AGBL4: variants seen among roughly 807,000 people sequenced by gnomAD.
AGBL4 encodes the protein cytosolic carboxypeptidase 6.
AGBL4 carries 58 observed loss-of-function variants against 66.4 expected under a neutral mutation model. That is an observed-to-expected ratio of 0.87 (90% CI 0.71 to 1.09). The LOEUF (loss-of-function observed/expected upper bound fraction) is 1.09. Among genes scored for constraint, AGBL4 ranks in the 50% least tolerant of loss-of-function variants. The probability of loss-of-function intolerance (pLI) is 0.00; values close to 1 mark genes in which losing one functional copy is unlikely to be tolerated. For synonymous variants in AGBL4, 234 were observed against 222.9 expected (o/e 1.05, Z -0.44); for missense variants, 579 against 631.0 (o/e 0.92, Z 0.88).
At chr1:48,967,018 T>C (rs1658487466) in intron 5 of AGBL4, among the ~76,000 whole-genome samples, 1 of 148,382 alleles carries the variant, frequency 6.7e-6, no homozygotes, top group Admixed American at 6.8e-5. Context: ...TAGTGTTCGG[T>C]TTACATTTTT....
intron 6 of AGBL4, among the ~76,000 whole-genome samples, chr1:48,791,310 C>A (rs1008689969): frequency 6.6e-6 from 1 of 152,134 alleles, no homozygotes; most frequent in African/African-American, 2.4e-5. Flanking sequence ...TTAGAAGAAG[C>A]CTTTTAGCTG....
intron 1 of AGBL4, among the ~76,000 whole-genome samples, chr1:50,023,423 C>G (rs1441860230): frequency 6.6e-6 from 1 of 152,162 alleles, no homozygotes; most frequent in African/African-American, 2.4e-5. Context: ...TACACCCTTT[C>G]CATGACACAG....
chr1:49,604,515 T>C (rs1474132631), intron 3 of AGBL4, among the ~76,000 whole-genome samples: 2 of 152,226 alleles, frequency 1.3e-5, no homozygotes, highest in Admixed American at 1.3e-4. Flanking sequence ...TCTCCCATTA[T>C]GTAGGTCATC....
At chr1:49,815,586 C>A (rs1645211214) in intron 2 of AGBL4, among the ~76,000 whole-genome samples, 1 of 152,196 alleles carries the variant, frequency 6.6e-6, no homozygotes, top group Admixed American at 6.5e-5. Context: ...AACTTGGGAA[C>A]CTCCAAAGTG....
chr1:49,802,308 T>C (rs2147951142), intron 2 of AGBL4, among the ~76,000 whole-genome samples: 1 of 152,272 alleles, frequency 6.6e-6, no homozygotes, highest in African/African-American at 2.4e-5. Flanking sequence ...ACAAACGCCC[T>C]CATCTTGCCA....
chr1:48,937,324 A>G (rs1423148683), intron 5 of AGBL4, among the ~76,000 whole-genome samples: 1 of 152,208 alleles, frequency 6.6e-6, no homozygotes, highest in East Asian at 1.9e-4. Context: ...GGGAGTTATT[A>G]TTATAATAAC....
chr1:49,222,649 T>C (rs1270242471), intron 4 of AGBL4, among the ~76,000 whole-genome samples: 1 of 152,192 alleles, frequency 6.6e-6, no homozygotes, highest in African/African-American at 2.4e-5. Flanking sequence ...AAACAAATCC[T>C]GTGAAAGCCA....
intron 3 of AGBL4, among the ~76,000 whole-genome samples, chr1:49,447,910 A>G (rs1646194776): frequency 6.6e-6 from 1 of 151,994 alleles, no homozygotes; most frequent in South Asian, 2.1e-4. Context: ...TTCTTTCTGG[A>G]GAGGGCAAGA....
intron 3 of AGBL4, among the ~76,000 whole-genome samples, chr1:49,308,657 A>G (rs186916507): frequency 3.9e-5 from 6 of 152,290 alleles, no homozygotes; most frequent in African/African-American, 1.4e-4. Flanking sequence ...TTCTTCTTCT[A>G]ACATTTATAT....
intron 3 of AGBL4, among the ~76,000 whole-genome samples, chr1:49,645,371 T>G (rs1390982210): frequency 6.7e-6 from 1 of 148,380 alleles, no homozygotes; most frequent in Admixed American, 6.8e-5. Flanking sequence ...ATGAGAAAGA[T>G]GACAACACTA....
chr1:49,335,665 G>A (rs1029414307), intron 3 of AGBL4, among the ~76,000 whole-genome samples: 37 of 151,876 alleles, frequency 2.4e-4, no homozygotes, highest in African/African-American at 6.0e-4. Flanking sequence ...ACAGGCACCC[G>A]CCACCACACC....
chr1:49,191,240 G>A (rs1224201166), intron 4 of AGBL4, among the ~76,000 whole-genome samples: 1 of 152,160 alleles, frequency 6.6e-6, no homozygotes, highest in African/African-American at 2.4e-5. Context: ...GTCTCCCACT[G>A]TCCAACAGAC....
At chr1:49,901,844 T>G (rs779874307) in intron 1 of AGBL4, among the ~76,000 whole-genome samples, 2 of 152,094 alleles carry the variant, frequency 1.3e-5, no homozygotes, top group African/African-American at 4.8e-5. Flanking sequence ...AACAGACACA[T>G]AGACCAAAGG....
chr1:49,955,592 C>T (rs189920329), intron 1 of AGBL4, among the ~76,000 whole-genome samples: 16 of 151,944 alleles, frequency 1.1e-4, no homozygotes, highest in Admixed American at 6.6e-5. Context: ...TGCCCCAGCT[C>T]CCCTATATCT....
At position 48,692,313 on chromosome 1, in the gene AGBL4, A is replaced by C. The variant is rs368894214; in HGVS notation, c.635-29072T>G. On this transcript the variant is annotated intron_variant, in intron 6 of 13. Coordinates refer to ENST00000371839, the MANE Select transcript of AGBL4 (RefSeq NM_032785.4). ...AGTTAATTACGAGCTCTAAAGAGGC[A>C]CTGACAGCTTCCAGAACCAGTACTG... Among the ~76,000 whole-genome samples, 148 of 152,330 alleles carry C rather than the reference A, an allele frequency of 9.7e-4. No homozygotes were observed. The South Asian group carries it at 0.019, about 19-fold the overall frequency.
intron 5 of AGBL4, among the ~76,000 whole-genome samples, chr1:48,944,362 C>T (rs1463728636): frequency 6.6e-6 from 1 of 152,178 alleles, no homozygotes; most frequent in Admixed American, 6.5e-5. Context: ...TTGATTCGCT[C>T]ATACACTACT....
At chr1:49,501,972 TA>T (rs1648204815) in intron 3 of AGBL4, among the ~76,000 whole-genome samples, 1 of 152,196 alleles carries the variant, frequency 6.6e-6, no homozygotes. Flanking sequence ...TCAGAAAAGA[TA>T]CTTGACATAA....
At position 49,664,585 on chromosome 1, in the gene AGBL4, C is replaced by T. The variant is rs1315630043; in HGVS notation, c.282+32728G>A. Among the ~76,000 whole-genome samples the T allele has an allele frequency of 2.6e-5, 4 of 152,058 alleles. No homozygotes were observed. In the East Asian group the frequency reaches 7.7e-4, roughly 29 times the overall value. On this transcript the variant is annotated intron_variant, in intron 3 of 13. Coordinates refer to ENST00000371839, the MANE Select transcript of AGBL4 (RefSeq NM_032785.4). ...AAAGCATCAGCAAAAGTCAAGATGA[C>T]ATTGCTTCTTTCTGATCAATTCAAG... is the stretch of plus-strand genomic sequence containing the variant.
intron 4 of AGBL4, among the ~76,000 whole-genome samples, chr1:49,165,434 G>GAT (rs1241533382): frequency 6.6e-6 from 1 of 152,110 alleles, no homozygotes; most frequent in Non-Finnish European, 1.5e-5. Context: ...CTTGGAAGGT[G>GAT]ATATGTGGCT....
Sources: allele counts gnomAD v4.1 joint callset (sites outside exome capture counted in the v4.1 genomes callset), GRCh38; gene constraint gnomAD v4.1.1; transcripts MANE v1.5; gene names NCBI Gene and HGNC (gene_info 2026-07-23, HGNC 2026-07-21).